Variants in NHSL2 observed in about 807,000 individuals in gnomAD.
The protein encoded by NHSL2 is NHS-like protein 2.
NHSL2 carries 27 observed loss-of-function variants against 53.4 expected under a neutral mutation model. That is an observed-to-expected ratio of 0.51 (90% CI 0.37 to 0.70). The LOEUF (loss-of-function observed/expected upper bound fraction) is 0.70, where lower values mean the gene tolerates loss of function less well. Among genes scored for constraint, NHSL2 ranks in the 30% least tolerant of loss-of-function variants. The probability of loss-of-function intolerance (pLI) is 0.00; values close to 1 mark genes in which losing one functional copy is unlikely to be tolerated. For synonymous variants in NHSL2, 408 were observed against 404.1 expected (o/e 1.01, Z -0.12); for missense variants, 892 against 980.1 (o/e 0.91, Z 1.20).
chrX:72,084,002 A>T (rs750353490), intron 1 of NHSL2, among the ~76,000 whole-genome samples: 2 of 111,884 alleles, frequency 1.8e-5, no homozygotes, highest in South Asian at 7.5e-4. Flanking sequence ...TTGCCCACTC[A>T]TCAAACCTCA....
intron 1 of NHSL2, among the ~76,000 whole-genome samples, chrX:72,058,320 C>A (rs2042380481): frequency 8.9e-6 from 1 of 112,116 alleles, no homozygotes. Flanking sequence ...AGGGGCTTGA[C>A]AGCTTCCCAG....
chrX:72,042,568 A>G (rs138191140), intron 1 of NHSL2, among the ~76,000 whole-genome samples: 485 of 111,219 alleles, frequency 4.4e-3, no homozygotes, highest in Middle Eastern at 0.014. Context: ...TTTTCAGGCC[A>G]GTAGCTGCCT....
chrX:71,980,713 A>G (rs2041974634), intron 1 of NHSL2, among the ~76,000 whole-genome samples: 1 of 110,804 alleles, frequency 9.0e-6, no homozygotes, highest in South Asian at 3.8e-4. Context: ...TTGGAGACAG[A>G]TGGGCCTGAT....
At position 72,132,239 on chromosome X, in the gene NHSL2, C is replaced by A; in HGVS notation, c.436+5C>A. The A allele has an allele frequency of 8.7e-7, 1 of 1,146,745 alleles. No individual in the cohort carries two copies. The highest frequency in any genetic ancestry group is 1.2e-6 in the Non-Finnish European group (1 of 861,366). The allele number at this position is 1,146,745 out of a possible 1,213,427, so 94.5% of individuals were successfully genotyped here. ...ATCTCCAGAGCCTGTTGCAAGGTAC[C>A]GAGAGGGAGGGGGGCTGCGGCCGGA... On this transcript the variant is annotated splice_donor_5th_base_variant and intron_variant, in intron 2 of 7. Coordinates refer to ENST00000633930, the MANE Select transcript of NHSL2 (RefSeq NM_001013627.3).
intron 1 of NHSL2, among the ~76,000 whole-genome samples, chrX:71,980,685 G>A (rs1469186636): frequency 9.1e-6 from 1 of 110,455 alleles, no homozygotes; most frequent in East Asian, 2.8e-4. Context: ...ATCCAGTGCA[G>A]CACTGTGAGT....
intron 1 of NHSL2, among the ~76,000 whole-genome samples, chrX:72,016,352 T>C (rs2042135829): frequency 8.9e-6 from 1 of 112,196 alleles, no homozygotes; most frequent in Non-Finnish European, 1.9e-5. Context: ...TCTGTGCCAA[T>C]GCCACACCCT....
chrX:72,087,945 C>G (rs1375474815), intron 1 of NHSL2, among the ~76,000 whole-genome samples: 1 of 111,450 alleles, frequency 9.0e-6, no homozygotes, highest in Non-Finnish European at 1.9e-5. Flanking sequence ...TGGCTCACTC[C>G]TGTAATCCCA....
intron 1 of NHSL2, among the ~76,000 whole-genome samples, chrX:72,103,163 G>T (rs1198960378): frequency 8.9e-6 from 1 of 112,148 alleles, no homozygotes; most frequent in Non-Finnish European, 1.9e-5. Flanking sequence ...ACCTAGCAAA[G>T]TCCCACGCCT....
chrX:72,049,095 G>A (rs1320221337), intron 1 of NHSL2, among the ~76,000 whole-genome samples: 1 of 109,876 alleles, frequency 9.1e-6, no homozygotes, highest in Non-Finnish European at 1.9e-5. Context: ...AGGAGGAGGA[G>A]GATTCAAAAT....
At chrX:72,022,614 T>G (rs1004041586) in intron 1 of NHSL2, among the ~76,000 whole-genome samples, 1 of 111,097 alleles carries the variant, frequency 9.0e-6, no homozygotes, top group Non-Finnish European at 1.9e-5. Context: ...GGATCCACCC[T>G]CAAGAACTAA....
chrX:72,027,589 G>T (rs1022220817), intron 1 of NHSL2: 1 of 111,486 alleles, frequency 9.0e-6, no homozygotes, highest in Non-Finnish European at 1.9e-5. Context: ...TGGCCAGGAG[G>T]TTCCAGAGCC....
rs12390958 is a variant in NHSL2 at position 72,090,154 on chromosome X, C to T, written c.281-41925C>T. Among the ~76,000 whole-genome samples, 479 of 111,231 alleles carry T rather than the reference C, an allele frequency of 4.3e-3. 4 individuals carry two copies. The highest frequency in any genetic ancestry group is 0.015 in the African/African-American group (465 of 30,575). On this transcript the variant is annotated intron_variant, in intron 1 of 7. Transcript: ENST00000633930. Reference sequence around the variant, plus strand: ...TCATGGCTCACTGCAGCCTCGAATTCCCAGGCTCCAGTGATCCTCCCACAT... The same window carrying T: ...TCATGGCTCACTGCAGCCTCGAATTTCCAGGCTCCAGTGATCCTCCCACAT...
chrX:72,130,111 G>T lies in NHSL2; in HGVS notation c.281-1968G>T, dbSNP rs778358543. 4 of 1,211,021 alleles carry T rather than the reference G, an allele frequency of 3.3e-6. No homozygotes were observed. In the South Asian group the frequency reaches 7.0e-5, roughly 21 times the overall value. ...TGTGGGGCCAGAAGTCTGGGATGAC[G>T]CGTGAACAAAGGTCGGCTCCATCTC... On this transcript the variant is annotated intron_variant, in intron 1 of 7. Transcript: ENST00000633930.
intron 1 of NHSL2, chrX:72,129,586 G>T: frequency 2.5e-6 from 1 of 404,198 alleles, no homozygotes; most frequent in East Asian, 4.0e-5. Context: ...GCCGGACTGA[G>T]CAGAGTACAT....
chrX:71,937,006 C>A (rs938832403), intron 1 of NHSL2, among the ~76,000 whole-genome samples: 6 of 111,507 alleles, frequency 5.4e-5, no homozygotes, highest in Non-Finnish European at 1.1e-4. Flanking sequence ...GAAATTCAGA[C>A]CCAGAGAGTG....
chrX:71,941,123 C>T (rs914558914), intron 1 of NHSL2, among the ~76,000 whole-genome samples: 1 of 111,835 alleles, frequency 8.9e-6, no homozygotes, highest in Admixed American at 9.5e-5. Context: ...CTCTATTCCC[C>T]ACTCCATAGC....
chrX:72,130,073 C>A (rs200189694), intron 1 of NHSL2: 8 of 1,208,927 alleles, frequency 6.6e-6, no homozygotes, highest in Admixed American at 6.6e-5. Context: ...AAGTTTTCGG[C>A]GTGGTAACCA....
At chrX:72,015,353 TA>T (rs1217788286) in intron 1 of NHSL2, among the ~76,000 whole-genome samples, 2 of 112,538 alleles carry the variant, frequency 1.8e-5, no homozygotes, top group African/African-American at 6.5e-5. Context: ...TTTAAAATGT[TA>T]TGTAACTTTG....
At chrX:72,054,286 C>T (rs2042356058) in intron 1 of NHSL2, among the ~76,000 whole-genome samples, 1 of 111,198 alleles carries the variant, frequency 9.0e-6, no homozygotes, top group African/African-American at 3.3e-5. Context: ...TTGATTGGTG[C>T]AGTAAGCTTT....
Sources: gnomAD v4.1 joint callset for allele counts (sites outside exome capture counted in the v4.1 genomes callset) on GRCh38, gnomAD v4.1.1 for gene constraint, MANE v1.5 for transcripts, NCBI Gene and HGNC (gene_info 2026-07-23, HGNC 2026-07-21) for gene names.